DYRK1A: variants seen among roughly 807,000 people sequenced by gnomAD.
DYRK1A encodes the protein dual specificity tyrosine phosphorylation regulated kinase 1A.
In DYRK1A, 9 loss-of-function variants were observed where a neutral mutation model predicts 79.7. The ratio of observed to expected loss-of-function variants is 0.11; its 90% CI spans 0.07 to 0.20. DYRK1A has a LOEUF of 0.20. Among genes scored for constraint, DYRK1A ranks in the 10% least tolerant of loss-of-function variants. The pLI, the probability that DYRK1A is intolerant of heterozygous loss-of-function variation, is 1.00. For synonymous variants in DYRK1A, 349 were observed against 329.7 expected (o/e 1.06, Z -0.63); for missense variants, 622 against 956.0 (o/e 0.65, Z 4.61).
intron 1 of DYRK1A, among the ~76,000 whole-genome samples, chr21:37,392,680 G>A (rs1023591421): frequency 7.2e-5 from 11 of 152,206 alleles, no homozygotes; most frequent in Non-Finnish European, 1.5e-4. Context: ...TCTTAATACT[G>A]TTAGGGCCTA....
intron 2 of DYRK1A, among the ~76,000 whole-genome samples, chr21:37,462,113 T>G (rs2051859371): frequency 6.6e-6 from 1 of 152,194 alleles, no homozygotes; most frequent in Non-Finnish European, 1.5e-5. Flanking sequence ...ACATTCATAA[T>G]AGTGGTTTTG....
At chr21:37,492,801 C>G (rs968513981) in intron 7 of DYRK1A, among the ~76,000 whole-genome samples, 1 of 151,888 alleles carries the variant, frequency 6.6e-6, no homozygotes, top group Non-Finnish European at 1.5e-5. Context: ...GGGCTTGAAT[C>G]TTTACGTATT....
At chr21:37,496,032 A>G in intron 8 of DYRK1A, 86 bp from the exon 9 acceptor site, 1 of 1,360,288 alleles carries the variant, frequency 7.4e-7, no homozygotes, top group Non-Finnish European at 1.0e-6. Context: ...GGAGGTGTGC[A>G]ATTTATTTAT....
chr21:37,399,851 A>G lies in DYRK1A; in HGVS notation c.-76-20448A>G, dbSNP rs556658386. On this transcript the variant is annotated intron_variant, in intron 1 of 11. Coordinates refer to ENST00000647188, the MANE Select transcript of DYRK1A (RefSeq NM_001347721.2). ...AATTAAGAATACAAACACAGGTTGA[A>G]GCATTTTTCATAGGTGACATTTGTA... 1.1e-4 allele frequency among the ~76,000 whole-genome samples: 17 copies of G among 152,360 alleles called. No individual in the cohort carries two copies. The South Asian group carries it at 3.5e-3, about 32-fold the overall frequency.
chr21:37,415,840 CTT>C (rs2050327917), intron 1 of DYRK1A, among the ~76,000 whole-genome samples: 1 of 152,072 alleles, frequency 6.6e-6, no homozygotes, highest in Non-Finnish European at 1.5e-5. Context: ...ACTAGATGAA[CTT>C]TTGGGGAAAT....
intron 5 of DYRK1A, among the ~76,000 whole-genome samples, chr21:37,484,511 T>C (rs2052781192): frequency 6.6e-6 from 1 of 151,996 alleles, no homozygotes; most frequent in Non-Finnish European, 1.5e-5. Context: ...ATATTTTTAG[T>C]AGAGATGGGA....
At chr21:37,407,316 G>A (rs2050166605) in intron 1 of DYRK1A, among the ~76,000 whole-genome samples, 1 of 152,036 alleles carries the variant, frequency 6.6e-6, no homozygotes, top group South Asian at 2.1e-4. Context: ...TAAAGTTTTG[G>A]CTGAGCTGTG....
intron 1 of DYRK1A, among the ~76,000 whole-genome samples, chr21:37,405,342 C>T (rs1467412314): frequency 2.0e-5 from 3 of 152,162 alleles, no homozygotes; most frequent in Non-Finnish European, 2.9e-5. Context: ...GCCTAGTCTC[C>T]TGCATCCTTT....
intron 6 of DYRK1A, 74 bp downstream of exon 6, chr21:37,486,688 A>C (rs576992701): frequency 1.5e-6 from 2 of 1,313,418 alleles, no homozygotes; most frequent in South Asian, 2.3e-5. Flanking sequence ...CTTTTCTATC[A>C]AAATATTTTG....
At chr21:37,446,092 C>T (rs535383089) in intron 2 of DYRK1A, among the ~76,000 whole-genome samples, 1 of 147,652 alleles carries the variant, frequency 6.8e-6, no homozygotes, top group African/African-American at 2.5e-5. Context: ...AAGAAGTGAA[C>T]GCAGTGATGT....
At chr21:37,415,958 C>A (rs1237412259) in intron 1 of DYRK1A, among the ~76,000 whole-genome samples, 3 of 152,044 alleles carry the variant, frequency 2.0e-5, no homozygotes, top group African/African-American at 7.2e-5. Context: ...CATATAGGGG[C>A]TAAAATCAGA....
chr21:37,464,353 G>GAATTAGTTCCTCTGTTATAATCA, intron 2 of DYRK1A: 1 of 443,578 alleles, frequency 2.3e-6, no homozygotes, highest in Non-Finnish European at 4.3e-6. Flanking sequence ...AAGTAAGAAA[G>GAATTAGTTCCTCTGTTATAATCA]CTGCTTCATT....
chr21:37,394,186 C>G (rs1602395434), intron 1 of DYRK1A, among the ~76,000 whole-genome samples: 1 of 149,340 alleles, frequency 6.7e-6, no homozygotes, highest in South Asian at 2.1e-4. Context: ...CTGACCGATT[C>G]ATTTTGTAAT....
At chr21:37,449,333 CTGTT>C (rs373907984) in intron 2 of DYRK1A, among the ~76,000 whole-genome samples, 3 of 152,198 alleles carry the variant, frequency 2.0e-5, no homozygotes, top group African/African-American at 7.2e-5. Context: ...AGTCCAATGA[CTGTT>C]AGTACAATGG....
At chr21:37,450,563 T>C (rs956360516) in intron 2 of DYRK1A, among the ~76,000 whole-genome samples, 3 of 152,200 alleles carry the variant, frequency 2.0e-5, no homozygotes, top group African/African-American at 7.2e-5. Context: ...TATCACACCC[T>C]TGCCTTCCTA....
chr21:37,500,133 G>C (rs1226257573), intron 9 of DYRK1A, among the ~76,000 whole-genome samples: 1 of 152,110 alleles, frequency 6.6e-6, no homozygotes, highest in African/African-American at 2.4e-5. Flanking sequence ...CAGTCTTAAT[G>C]CTCCATGAAT....
At chr21:37,461,831 C>T (rs1269712692) in intron 2 of DYRK1A, among the ~76,000 whole-genome samples, 1 of 148,564 alleles carries the variant, frequency 6.7e-6, no homozygotes, top group East Asian at 1.9e-4. Context: ...GGTTGAGTTG[C>T]CTCAGTGTGA....
At chr21:37,464,317 C>A in intron 2 of DYRK1A, 1 of 491,298 alleles carries the variant, frequency 2.0e-6, no homozygotes, top group South Asian at 1.5e-5. Flanking sequence ...ATTATAGTTC[C>A]TTGCTAGAAC....
At chr21:37,368,510 C>T (rs531336886) in intron 1 of DYRK1A, among the ~76,000 whole-genome samples, 60 of 152,290 alleles carry the variant, frequency 3.9e-4, no homozygotes, top group Middle Eastern at 3.4e-3. Context: ...ACACGAATCC[C>T]ATAATCTGGG....
Sources: allele counts gnomAD v4.1 joint callset (sites outside exome capture counted in the v4.1 genomes callset), GRCh38; gene constraint gnomAD v4.1.1; transcripts MANE v1.5; gene names NCBI Gene and HGNC (gene_info 2026-07-23, HGNC 2026-07-21).